The following DENND1B variants were observed in gnomAD, a reference collection of about 807,000 sequenced individuals.
DENND1B encodes DENN domain-containing protein 1B.
DENND1B carries 59 observed loss-of-function variants against 90.1 expected under a neutral mutation model. The ratio of observed to expected loss-of-function variants is 0.65; its 90% CI spans 0.53 to 0.81. DENND1B has a LOEUF of 0.81. Ranked by LOEUF, DENND1B falls within the 40% of genes least tolerant of loss-of-function variation. The pLI is 0.00. For synonymous variants in DENND1B, 337 were observed against 324.6 expected, an observed-to-expected ratio of 1.04 and a Z score of -0.41; for missense variants, 862 against 912.6, an observed-to-expected ratio of 0.94 and a Z score of 0.71.
intron 3 of DENND1B, among the ~76,000 whole-genome samples, chr1:197,677,495 C>A (rs1480644236): frequency 6.6e-6 from 1 of 152,158 alleles, no homozygotes; most frequent in African/African-American, 2.4e-5. Context: ...CATGACCCCT[C>A]CTTTTCCCTG....
chr1:197,775,072 C>T (rs910627198), intron 1 of DENND1B, 67 bp downstream of exon 1: 102 of 1,108,436 alleles, frequency 9.2e-5, no homozygotes, highest in Non-Finnish European at 1.1e-4. Flanking sequence ...CGCGGAGGAG[C>T]CGAGCTGGCC....
At chr1:197,773,095 T>G (rs1440277410) in intron 1 of DENND1B, 163 bp from the exon 2 acceptor site, 1 of 672,678 alleles carries the variant, frequency 1.5e-6, no homozygotes, top group Non-Finnish European at 2.6e-6. Flanking sequence ...TTTTCTCAAT[T>G]GAGCAACTTA....
At chr1:197,615,212 T>G (rs1677538617) in intron 11 of DENND1B, among the ~76,000 whole-genome samples, 4 of 151,158 alleles carry the variant, frequency 2.6e-5, no homozygotes, top group Admixed American at 2.0e-4. Context: ...CTAAATCTTA[T>G]TCATTACATT....
Position 197,505,529 on chromosome 1 carries a change from C to A in DENND1B, c.*4931G>T, listed in dbSNP as rs182672145. On this transcript the variant is annotated 3_prime_UTR_variant, in exon 23 of 23. Transcript: ENST00000620048. ...TGTGGCTTGAAAAAAACATAGCATT[C>A]TGGATATAAAGCATTCTGTTAACAT... is the stretch of plus-strand genomic sequence containing the variant. The A allele has an allele frequency of 4.9e-4, 74 of 151,626 alleles. No homozygotes were observed. Among genetic ancestry groups the A allele is most frequent in the African/African-American group, 1.8e-3 (73 of 41,436 alleles). The allele number at this position is 151,626 out of a possible 1,614,324, so 9.4% of individuals were successfully genotyped here.
chr1:197,742,883 T>C (rs1370733231), intron 2 of DENND1B, among the ~76,000 whole-genome samples: 3 of 152,142 alleles, frequency 2.0e-5, no homozygotes, highest in South Asian at 2.1e-4. Flanking sequence ...TGGCAGTGAA[T>C]AGCTGAATGG....
At chr1:197,732,862 C>T (rs16841904) in intron 2 of DENND1B, among the ~76,000 whole-genome samples, 27,002 of 152,096 alleles carry the variant, frequency 0.18, 2,731 homozygotes, top group Middle Eastern at 0.32. Flanking sequence ...ACAGAGCCTC[C>T]GGATTCTTTG....
intron 2 of DENND1B, among the ~76,000 whole-genome samples, chr1:197,718,104 G>A (rs1660812465): frequency 6.6e-6 from 1 of 152,010 alleles, no homozygotes; most frequent in Non-Finnish European, 1.5e-5. Context: ...GCTAGGTAAT[G>A]TCTGAGGTTA....
intron 20 of DENND1B, among the ~76,000 whole-genome samples, chr1:197,524,567 G>T (rs1019275282): frequency 2.6e-5 from 4 of 152,104 alleles, no homozygotes; most frequent in African/African-American, 9.7e-5. Flanking sequence ...TAAAAAGGAA[G>T]AGTAAAAATA....
chr1:197,759,530 T>G (rs1654744249), intron 2 of DENND1B, among the ~76,000 whole-genome samples: 2 of 151,016 alleles, frequency 1.3e-5, no homozygotes, highest in Non-Finnish European at 3.0e-5. Context: ...CATGAGGTGG[T>G]GCAAAGAACC....
chr1:197,575,503 C>A (rs1400434035), intron 15 of DENND1B, among the ~76,000 whole-genome samples: 1 of 152,066 alleles, frequency 6.6e-6, no homozygotes, highest in Non-Finnish European at 1.5e-5. Context: ...ATTAGTTCAA[C>A]CATTGTGGAA....
At position 197,541,008 on chromosome 1, in the gene DENND1B, T is replaced by A; in HGVS notation, c.1358A>T (p.Asn453Ile). The change falls in exon 19 of 23, where the codon AAT becomes ATT. Residue 453 changes from asparagine to isoleucine, a missense_variant. Asn to Ile is a moderately radical substitution (Grantham distance 149, BLOSUM62 -3). Coordinates refer to ENST00000620048, the MANE Select transcript of DENND1B (RefSeq NM_001195215.2). Reference protein sequence around the residue: ...AVRTAYKFAKNHAKLGLKEVK... With the variant: ...AVRTAYKFAKIHAKLGLKEVK... ...TTCCTTTAGTCCCAGCTTTGCATGATTTTTTGCCTAGAAAATGATAATGAA... is the reference window on the plus strand; with the variant it reads ...TTCCTTTAGTCCCAGCTTTGCATGAATTTTTGCCTAGAAAATGATAATGAA... The A allele has an allele frequency of 6.2e-7, 1 of 1,612,494 alleles. No homozygotes were observed. The highest frequency in any genetic ancestry group is 1.1e-5 in the South Asian group (1 of 90,896).
At chr1:197,781,088 C>T in the DENND1B span, among the ~76,000 whole-genome samples, 1 of 152,140 alleles carries the variant, frequency 6.6e-6, no homozygotes, top group East Asian at 1.9e-4. Flanking sequence ...GCTCCTTTCC[C>T]TTCTGAATGC....
chr1:197,780,849 C>A, the DENND1B span, among the ~76,000 whole-genome samples: 1 of 152,138 alleles, frequency 6.6e-6, no homozygotes, highest in Non-Finnish European at 1.5e-5. Flanking sequence ...TTTCCTCAAA[C>A]CAGGTCCAAA....
At chr1:197,705,019 A>G (rs1201293112) in intron 3 of DENND1B, among the ~76,000 whole-genome samples, 2 of 152,148 alleles carry the variant, frequency 1.3e-5, no homozygotes, top group African/African-American at 2.4e-5. Context: ...TTAAAAATAA[A>G]ATGAAGTATG....
At chr1:197,578,333 C>A (rs920831799) in intron 15 of DENND1B, among the ~76,000 whole-genome samples, 1 of 152,088 alleles carries the variant, frequency 6.6e-6, no homozygotes, top group Non-Finnish European at 1.5e-5. Context: ...CAACCTCTGT[C>A]TCCCAGGTTC....
rs1419694728 is a variant in DENND1B at position 197,672,156 on chromosome 1, C to T, written c.177G>A (p.Arg59=). 16 of 1,599,110 alleles carry T rather than the reference C, an allele frequency of 1.0e-5. No individual in the cohort carries two copies. The highest frequency in any genetic ancestry group is 1.8e-5 in the Admixed American group (1 of 56,540). ...PKFCFPFDVE[R]VSQNQVGQHF... ...GCTGTCCAACTTGATTCTGAGACACCCTAAAATATAGTAACATTAGGAAAC... is the reference window on the plus strand; with the variant it reads ...GCTGTCCAACTTGATTCTGAGACACTCTAAAATATAGTAACATTAGGAAAC... The change falls in exon 5 of 23, where the codon AGG becomes AGA. Residue 59 remains arginine (R), a splice_region_variant and synonymous_variant. Coordinates refer to ENST00000620048, the MANE Select transcript of DENND1B (RefSeq NM_001195215.2).
intron 2 of DENND1B, among the ~76,000 whole-genome samples, chr1:197,745,538 T>C (rs925052277): frequency 2.0e-5 from 3 of 151,184 alleles, no homozygotes; most frequent in African/African-American, 7.3e-5. Context: ...CCATATTATA[T>C]GGGCATGGTT....
intron 2 of DENND1B, among the ~76,000 whole-genome samples, chr1:197,745,133 C>T (rs919540393): frequency 3.3e-5 from 5 of 152,184 alleles, no homozygotes; most frequent in African/African-American, 1.2e-4. Flanking sequence ...ACTTTCTCCA[C>T]CTCAGCAATA....
intron 20 of DENND1B, among the ~76,000 whole-genome samples, chr1:197,521,715 A>G (rs1004085473): frequency 1.3e-5 from 2 of 152,108 alleles, no homozygotes; most frequent in South Asian, 4.1e-4. Context: ...AATTCAAAAC[A>G]AGCTTTAAAA....
Sources: allele counts gnomAD v4.1 joint callset (sites outside exome capture counted in the v4.1 genomes callset), GRCh38; gene constraint gnomAD v4.1.1; transcripts MANE v1.5; gene names NCBI Gene and HGNC (gene_info 2026-07-23, HGNC 2026-07-21).